Variants in NAALADL2 observed in about 807,000 individuals in gnomAD.
NAALADL2 encodes the protein inactive N-acetylated-alpha-linked acidic dipeptidase-like protein 2.
A neutral mutation model predicts 87.2 loss-of-function variants in NAALADL2; 76 were observed. That is an observed-to-expected ratio of 0.87 (90% CI 0.72 to 1.05). The LOEUF (loss-of-function observed/expected upper bound fraction) is 1.05, where lower values mean the gene tolerates loss of function less well. Among genes scored for constraint, NAALADL2 ranks in the 50% least tolerant of loss-of-function variants. The pLI is 0.00. For missense variants in NAALADL2, 1,089 were observed against 945.8 expected, an observed-to-expected ratio of 1.15 and a Z score of -1.99; for synonymous variants, 354 against 331.0, an observed-to-expected ratio of 1.07 and a Z score of -0.75.
intron 10 of NAALADL2, among the ~76,000 whole-genome samples, chr3:175,623,452 TG>T (rs1469310905): frequency 6.6e-6 from 1 of 152,054 alleles, no homozygotes; most frequent in Non-Finnish European, 1.5e-5. Flanking sequence ...ATTGAAGGCA[TG>T]GGGATTATAG....
chr3:175,727,635 AT>A (rs1323136617), intron 11 of NAALADL2, among the ~76,000 whole-genome samples: 2 of 152,176 alleles, frequency 1.3e-5, no homozygotes, highest in Admixed American at 1.3e-4. Flanking sequence ...CTTCAAAATC[AT>A]TCTAATGTCT....
At position 174,728,299 on chromosome 3, in the gene NAALADL2, A is replaced by G. The variant is rs181774029; in HGVS notation, c.-114-9342A>G. Among the ~76,000 whole-genome samples the G allele has an allele frequency of 2.6e-5, 4 of 152,154 alleles. No individual in the cohort carries two copies. The South Asian group carries it at 6.2e-4, about 24-fold the overall frequency. ...AATTGTCCCCAAGAAGTCACAGAAA[A>G]CATCAAGGGAATATGAACTTATAAT... On this transcript the variant is annotated intron_variant, in intron 2 of 3. Coordinates refer to the NAALADL2 transcript ENST00000434257.
intron 11 of NAALADL2, among the ~76,000 whole-genome samples, chr3:175,722,909 G>A (rs576664672): frequency 1.3e-5 from 2 of 152,190 alleles, no homozygotes; most frequent in South Asian, 4.1e-4. Flanking sequence ...AGAGTGAACA[G>A]CCATATGATA....
intron 13 of NAALADL2, among the ~76,000 whole-genome samples, chr3:175,795,684 A>T (rs1560025080): frequency 6.6e-6 from 1 of 151,094 alleles, no homozygotes; most frequent in Non-Finnish European, 1.5e-5. Flanking sequence ...CTCTGTCTCA[A>T]AAAATAAAAA....
At chr3:174,536,081 G>T (rs1319181513) in intron 1 of NAALADL2, among the ~76,000 whole-genome samples, 1 of 152,054 alleles carries the variant, frequency 6.6e-6, no homozygotes, top group Non-Finnish European at 1.5e-5. Flanking sequence ...TTAAAATGCA[G>T]CTTAAAGTAT....
chr3:175,251,205 G>A (rs571614364), intron 3 of NAALADL2, among the ~76,000 whole-genome samples: 31 of 152,126 alleles, frequency 2.0e-4, no homozygotes, highest in Admixed American at 1.0e-3. Flanking sequence ...ACTCTTTGTC[G>A]TCATCCCAAA....
At chr3:174,640,444 A>G (rs1289220327) in intron 2 of NAALADL2, among the ~76,000 whole-genome samples, 1 of 145,076 alleles carries the variant, frequency 6.9e-6, no homozygotes, top group Non-Finnish European at 1.5e-5. Context: ...AATTTTATAG[A>G]AGATTGATCA....
At chr3:174,508,207 G>T (rs929137335) in intron 1 of NAALADL2, among the ~76,000 whole-genome samples, 3 of 142,950 alleles carry the variant, frequency 2.1e-5, no homozygotes, top group Non-Finnish European at 4.5e-5. Flanking sequence ...TCCGCCTCCC[G>T]GGTTCATGCC....
At chr3:174,513,128 A>G (rs1719714823) in intron 1 of NAALADL2, among the ~76,000 whole-genome samples, 1 of 151,794 alleles carries the variant, frequency 6.6e-6, no homozygotes, top group Admixed American at 6.6e-5. Flanking sequence ...CGCCTGGCTA[A>G]CTTTTGTATT....
intron 12 of NAALADL2, among the ~76,000 whole-genome samples, chr3:175,754,961 T>C (rs1271132679): frequency 6.6e-6 from 1 of 152,166 alleles, no homozygotes; most frequent in Non-Finnish European, 1.5e-5. Flanking sequence ...ACAGAATGCT[T>C]TGGGCAAAAT....
At chr3:175,128,351 T>C (rs1337892202) in intron 2 of NAALADL2, among the ~76,000 whole-genome samples, 1 of 152,208 alleles carries the variant, frequency 6.6e-6, no homozygotes, top group African/African-American at 2.4e-5. Context: ...ATCATGGTTG[T>C]CTAATTTTTC....
intron 12 of NAALADL2, among the ~76,000 whole-genome samples, chr3:175,742,151 G>T (rs974061913): frequency 4.6e-5 from 7 of 152,132 alleles, no homozygotes; most frequent in Non-Finnish European, 8.8e-5. Context: ...TGAGCAGAGG[G>T]ATGACTAAGT....
At chr3:175,534,196 G>C (rs375116633) in intron 9 of NAALADL2, among the ~76,000 whole-genome samples, 1 of 151,878 alleles carries the variant, frequency 6.6e-6, no homozygotes, top group African/African-American at 2.4e-5. Flanking sequence ...TTAATATTCC[G>C]TTCCTCTAGA....
At chr3:174,590,294 T>G (rs1328422043) in intron 2 of NAALADL2, among the ~76,000 whole-genome samples, 4 of 152,128 alleles carry the variant, frequency 2.6e-5, no homozygotes, top group Non-Finnish European at 4.4e-5. Context: ...TTGAACCATA[T>G]AGAAGTACAT....
chr3:175,263,764 G>A (rs946685917), intron 4 of NAALADL2, among the ~76,000 whole-genome samples: 11 of 151,720 alleles, frequency 7.3e-5, no homozygotes, highest in Non-Finnish European at 1.3e-4. Flanking sequence ...AAAGAAGGGA[G>A]GAAGGGAAAG....
chr3:175,319,114 A>G (rs545051516), intron 4 of NAALADL2, among the ~76,000 whole-genome samples: 1 of 152,252 alleles, frequency 6.6e-6, no homozygotes, highest in Non-Finnish European at 1.5e-5. Flanking sequence ...TTTGAAGAGT[A>G]AGTCTTAAAT....
intron 11 of NAALADL2, among the ~76,000 whole-genome samples, chr3:175,711,574 C>T (rs897953863): frequency 6.6e-6 from 1 of 151,744 alleles, no homozygotes; most frequent in African/African-American, 2.4e-5. Flanking sequence ...GAGAAATAAC[C>T]CTCAGAAATT....
intron 11 of NAALADL2, among the ~76,000 whole-genome samples, chr3:175,649,294 G>A (rs576162859): frequency 6.6e-6 from 1 of 151,738 alleles, no homozygotes; most frequent in South Asian, 2.1e-4. Flanking sequence ...CATTTCAGAG[G>A]AAGTTCCATA....
At chr3:175,718,666 C>T (rs910361786) in intron 11 of NAALADL2, 2 of 1,569,756 alleles carry the variant, frequency 1.3e-6, no homozygotes, top group African/African-American at 1.4e-5. Flanking sequence ...TGGTGGCTGC[C>T]ATCTTGCGTT....
Sources: gnomAD v4.1 joint callset for allele counts (sites outside exome capture counted in the v4.1 genomes callset) on GRCh38, gnomAD v4.1.1 for gene constraint, MANE v1.5 for transcripts, NCBI Gene and HGNC (gene_info 2026-07-23, HGNC 2026-07-21) for gene names.